Variants in EIF2B3 observed in about 807,000 individuals in gnomAD.
EIF2B3 encodes the protein eukaryotic translation initiation factor 2B subunit gamma, also known as translation initiation factor eIF2B subunit gamma.
Under a neutral mutation model 54.1 loss-of-function variants are expected in EIF2B3, and 20 were observed. The observed-to-expected ratio is 0.37, with a 90% CI of 0.26 to 0.54. The LOEUF (loss-of-function observed/expected upper bound fraction) is 0.54, where lower values mean the gene tolerates loss of function less well. Among genes scored for constraint, EIF2B3 ranks in the 20% least tolerant of loss-of-function variants. The probability of loss-of-function intolerance (pLI) is 0.86; values close to 1 mark genes in which losing one functional copy is unlikely to be tolerated. For synonymous variants in EIF2B3, 153 were observed against 188.1 expected (o/e 0.81, Z 1.52); for missense variants, 448 against 547.8 (o/e 0.82, Z 1.82).
At position 44,864,462 on chromosome 1, in the gene EIF2B3, T is replaced by C. The variant is rs145518424; in HGVS notation, c.1203-6655A>G. 3.0e-3 allele frequency among the ~76,000 whole-genome samples: 459 copies of C among 152,190 alleles called. 3 individuals carry two copies. Among genetic ancestry groups the C allele is most frequent in the African/African-American group, 0.011 (438 of 41,536 alleles). The stretch of plus-strand genomic sequence containing the variant: ...CTGTAGTCCCAGCTACTCGGAAGGC[T>C]GAGGTGGGAGGATAGCTTGAACCCA... On this transcript the variant is annotated intron_variant, in intron 10 of 11. Coordinates refer to ENST00000360403, the MANE Select transcript of EIF2B3 (RefSeq NM_020365.5).
chr1:44,896,324 T>C (rs1296232208), intron 6 of EIF2B3, among the ~76,000 whole-genome samples: 1 of 152,190 alleles, frequency 6.6e-6, no homozygotes, highest in Non-Finnish European at 1.5e-5. Context: ...ATGATTTGTT[T>C]TACCATTGGC....
At chr1:44,908,696 G>A (rs2148920934) in intron 5 of EIF2B3, among the ~76,000 whole-genome samples, 1 of 152,276 alleles carries the variant, frequency 6.6e-6, no homozygotes, top group Non-Finnish European at 1.5e-5. Flanking sequence ...TTATAGATTT[G>A]GGATAAAGAG....
chr1:44,948,669 T>C (rs896655419), intron 3 of EIF2B3, among the ~76,000 whole-genome samples: 1 of 152,108 alleles, frequency 6.6e-6, no homozygotes, highest in Non-Finnish European at 1.5e-5. Context: ...CATTTTCCTC[T>C]GGTACTTAAT....
chr1:44,930,296 A>AC lies in EIF2B3; in HGVS notation c.455-3558_455-3557insG, dbSNP rs1643884816. Among the ~76,000 whole-genome samples the AC allele has an allele frequency of 6.6e-5, 10 of 152,326 alleles. No individual in the cohort carries two copies. The South Asian group carries it at 2.1e-3, about 32-fold the overall frequency. Reference sequence around the variant, plus strand: ...GCCAAAACCAGGCAAGGATATTATGAGAAAGGAACAGGCAAATTTACTCAT... The same window carrying AC: ...GCCAAAACCAGGCAAGGATATTATGACGAAAGGAACAGGCAAATTTACTCAT... On this transcript the variant is annotated intron_variant, in intron 4 of 11. Transcript: ENST00000360403.
chr1:44,911,116 G>A (rs976387111), intron 5 of EIF2B3, among the ~76,000 whole-genome samples: 1 of 152,162 alleles, frequency 6.6e-6, no homozygotes, highest in African/African-American at 2.4e-5. Context: ...AAAAACAGAA[G>A]GAAGTACTGT....
At chr1:44,873,413 G>GA (rs967810623) in intron 10 of EIF2B3, among the ~76,000 whole-genome samples, 20 of 152,024 alleles carry the variant, frequency 1.3e-4, no homozygotes, top group African/African-American at 4.8e-4. Flanking sequence ...TTTCTACAGT[G>GA]AAAAATGAGA....
At chr1:44,975,597 G>A (rs901242268) in intron 3 of EIF2B3, among the ~76,000 whole-genome samples, 3 of 152,118 alleles carry the variant, frequency 2.0e-5, no homozygotes, top group Admixed American at 1.3e-4. Flanking sequence ...CCACATATGT[G>A]GCCAGTCATT....
chr1:44,941,795 A>G (rs1644026434), intron 3 of EIF2B3, 130 bp from the exon 4 acceptor site: 1 of 1,069,902 alleles, frequency 9.3e-7, no homozygotes, highest in Non-Finnish European at 1.4e-6. Flanking sequence ...TTTCATAGCC[A>G]AACAAGTAAA....
chr1:44,947,681 C>G (rs533574876), intron 3 of EIF2B3, among the ~76,000 whole-genome samples: 177 of 152,190 alleles, frequency 1.2e-3, no homozygotes, highest in African/African-American at 4.0e-3. Context: ...AGGTAACTAC[C>G]ATGCTTCTCT....
At chr1:44,957,837 C>T (rs1388861555) in intron 3 of EIF2B3, among the ~76,000 whole-genome samples, 1 of 152,088 alleles carries the variant, frequency 6.6e-6, no homozygotes, top group Non-Finnish European at 1.5e-5. Context: ...ACTGGTGAGT[C>T]CATGTGGAAA....
At chr1:44,938,398 G>C (rs1643980556) in intron 4 of EIF2B3, among the ~76,000 whole-genome samples, 1 of 152,042 alleles carries the variant, frequency 6.6e-6, no homozygotes, top group Admixed American at 6.6e-5. Flanking sequence ...TGTAATACCA[G>C]CTACTTGGCA....
chr1:44,902,546 G>C (rs886875688), intron 5 of EIF2B3, among the ~76,000 whole-genome samples: 1 of 151,942 alleles, frequency 6.6e-6, no homozygotes, highest in Non-Finnish European at 1.5e-5. Context: ...TTCCAGTCAG[G>C]CACAGTGGCT....
chr1:44,981,270 G>C, intron 1 of EIF2B3, 93 bp from the exon 2 acceptor site: 1 of 1,302,326 alleles, frequency 7.7e-7, no homozygotes, highest in East Asian at 2.3e-5. Flanking sequence ...TTAGGTTACT[G>C]ATACCCACTA....
In EIF2B3 at chr1:44,900,024, C is replaced by A. The variant is rs1336352985; in HGVS notation, c.567-2580G>T. 2.6e-5 allele frequency among the ~76,000 whole-genome samples: 4 copies of A among 152,280 alleles called. No individual in the cohort carries two copies. In the South Asian group the frequency reaches 6.2e-4, roughly 24 times the overall value. The stretch of plus-strand genomic sequence containing the variant: ...GCTATAAAAAAGAACAAAATCATGT[C>A]CTTTGCAGCAACATGGATGCAGCTG... On this transcript the variant is annotated intron_variant, in intron 5 of 11. Coordinates refer to ENST00000360403, the MANE Select transcript of EIF2B3 (RefSeq NM_020365.5).
chr1:44,943,783 C>T (rs1167432757), intron 3 of EIF2B3, among the ~76,000 whole-genome samples: 1 of 152,082 alleles, frequency 6.6e-6, no homozygotes, highest in Non-Finnish European at 1.5e-5. Flanking sequence ...AGTTATGTAA[C>T]TAAGATTTAA....
chr1:44,975,240 T>C (rs1346376294), intron 3 of EIF2B3, among the ~76,000 whole-genome samples: 3 of 151,744 alleles, frequency 2.0e-5, no homozygotes, highest in Non-Finnish European at 4.4e-5. Flanking sequence ...TCACTGAAAA[T>C]TACAAAACTC....
intron 2 of EIF2B3, among the ~76,000 whole-genome samples, 161 bp from the exon 3 acceptor site, chr1:44,978,621 CTTTTTTTTTTTT>C (rs57964686): frequency 0.01 from 793 of 76,660 alleles, 15 homozygotes; most frequent in African/African-American, 0.043. Context: ...CCAATAAATT[CTTTTTTTTTTTT>C]TTTTTTTTTT....
At chr1:44,865,573 T>C (rs964625077) in intron 10 of EIF2B3, among the ~76,000 whole-genome samples, 6 of 152,132 alleles carry the variant, frequency 3.9e-5, no homozygotes, top group South Asian at 4.1e-4. Flanking sequence ...ATTTGTAACA[T>C]TGGTACCAAC....
intron 10 of EIF2B3, among the ~76,000 whole-genome samples, chr1:44,868,802 G>A (rs1034434307): frequency 3.3e-5 from 5 of 152,212 alleles, no homozygotes; most frequent in African/African-American, 9.7e-5. Context: ...TGGTTTAAGA[G>A]AATGGTGATG....
Sources: allele counts gnomAD v4.1 joint callset (sites outside exome capture counted in the v4.1 genomes callset), GRCh38; gene constraint gnomAD v4.1.1; transcripts MANE v1.5; gene names NCBI Gene and HGNC (gene_info 2026-07-23, HGNC 2026-07-21).